The following SPIDR variants were observed in gnomAD, a reference collection of about 807,000 sequenced individuals.
SPIDR encodes scaffold protein involved in DNA repair.
SPIDR carries 93 observed loss-of-function variants against 104.6 expected under a neutral mutation model. The observed-to-expected ratio is 0.89, with a 90% CI of 0.75 to 1.06. The LOEUF (loss-of-function observed/expected upper bound fraction) is 1.06. Ranked by LOEUF, SPIDR falls within the 50% of genes least tolerant of loss-of-function variation. The pLI, the probability that SPIDR is intolerant of heterozygous loss-of-function variation, is 0.00. For missense variants in SPIDR, 1,154 were observed against 1,111.2 expected, an observed-to-expected ratio of 1.04 and a Z score of -0.55; for synonymous variants, 431 against 416.9, an observed-to-expected ratio of 1.03 and a Z score of -0.41.
intron 8 of SPIDR, among the ~76,000 whole-genome samples, chr8:47,457,626 G>A (rs1352218625): frequency 6.6e-6 from 1 of 151,876 alleles, no homozygotes; most frequent in Non-Finnish European, 1.5e-5. Flanking sequence ...TGTTTTTGTT[G>A]CATTTGCTTT....
At chr8:47,528,412 G>A (rs769571227) in intron 8 of SPIDR, among the ~76,000 whole-genome samples, 2 of 152,180 alleles carry the variant, frequency 1.3e-5, no homozygotes, top group South Asian at 2.1e-4. Context: ...ATTACTAGGC[G>A]TTCTAAAAGA....
chr8:47,460,795 T>G (rs917689478), intron 8 of SPIDR, among the ~76,000 whole-genome samples: 3 of 152,222 alleles, frequency 2.0e-5, no homozygotes, highest in Non-Finnish European at 4.4e-5. Flanking sequence ...TTCATGTGTT[T>G]CCAGGATTTG....
At chr8:47,347,710 TTTGTCTCTTTTGA>T (rs2052444377) in intron 5 of SPIDR, among the ~76,000 whole-genome samples, 1 of 152,158 alleles carries the variant, frequency 6.6e-6, no homozygotes, top group African/African-American at 2.4e-5. Flanking sequence ...AATGGCCTTC[TTTGTCTCTTTTGA>T]TCTTTGTTGG....
At chr8:47,417,262 A>G (rs1464874238) in intron 7 of SPIDR, among the ~76,000 whole-genome samples, 16 of 152,156 alleles carry the variant, frequency 1.1e-4, no homozygotes, top group South Asian at 4.1e-4. Flanking sequence ...AAGTGTTCCT[A>G]TTTCTTCACA....
intron 7 of SPIDR, among the ~76,000 whole-genome samples, chr8:47,410,752 G>A (rs2063401770): frequency 6.6e-6 from 1 of 152,040 alleles, no homozygotes; most frequent in South Asian, 2.1e-4. Context: ...TTGGTGTGCT[G>A]CACCCATTAA....
At chr8:47,680,379 C>T (rs1184827577) in intron 11 of SPIDR, among the ~76,000 whole-genome samples, 1 of 152,184 alleles carries the variant, frequency 6.6e-6, no homozygotes, top group Non-Finnish European at 1.5e-5. Flanking sequence ...TGTGACTGGG[C>T]AGGATGCTGG....
intron 7 of SPIDR, among the ~76,000 whole-genome samples, chr8:47,423,815 A>G (rs2065973330): frequency 6.6e-6 from 1 of 152,168 alleles, no homozygotes; most frequent in African/African-American, 2.4e-5. Flanking sequence ...GAGAATGGAC[A>G]GCTATAGAGG....
At chr8:47,631,925 T>C (rs1490114002) in intron 10 of SPIDR, among the ~76,000 whole-genome samples, 1 of 152,136 alleles carries the variant, frequency 6.6e-6, no homozygotes, top group African/African-American at 2.4e-5. Context: ...TAATAATATT[T>C]TAAATTGGCC....
chr8:47,592,766 C>A (rs1173047247), intron 8 of SPIDR, among the ~76,000 whole-genome samples: 1 of 152,182 alleles, frequency 6.6e-6, no homozygotes, highest in Non-Finnish European at 1.5e-5. Context: ...ATTTTTGTTA[C>A]AATAAAAATT....
rs532828211 is a variant in SPIDR, at chr8:47,505,688, C to T, written c.1097+65146C>T. On this transcript the variant is annotated intron_variant, in intron 8 of 19. Coordinates refer to ENST00000297423, the MANE Select transcript of SPIDR (RefSeq NM_001080394.4). ...CCTCAGTTGGAAATGCAGAAATCCC[C>T]GGTCTTCTGCGTTGGTCACGCTGGG... 3.3e-5 allele frequency among the ~76,000 whole-genome samples: 5 copies of T among 152,284 alleles called. No individual in the cohort carries two copies. In the East Asian group the frequency reaches 5.8e-4, roughly 18 times the overall value.
At chr8:47,672,145 G>A (rs1416137741) in intron 10 of SPIDR, among the ~76,000 whole-genome samples, 2 of 152,092 alleles carry the variant, frequency 1.3e-5, no homozygotes, top group South Asian at 4.1e-4. Context: ...ATTTTTCCTA[G>A]AGACAAGATC....
chr8:47,293,881 A>G lies in SPIDR; in HGVS notation c.376A>G (p.Ile126Val). ...SQLQRDELQF[I>V]DWEIDSDRAE... ...ATATTTTTTAGATGAATTACAGTTT[A>G]TCGACTGGGAGATTGACAGTGACAG... Residue 126 changes from isoleucine to valine, a missense_variant, in exon 5 of 20, where the codon ATC becomes GTC. By Grantham distance (29) the Ile-to-Val change is conservative. Transcript: ENST00000297423. 12 of 1,609,110 alleles carry G rather than the reference A, an allele frequency of 7.5e-6. No homozygotes were observed. Among genetic ancestry groups the G allele is most frequent in the Non-Finnish European group, 8.5e-6 (10 of 1,177,780 alleles).
chr8:47,548,691 T>A (rs906801974), intron 8 of SPIDR, among the ~76,000 whole-genome samples: 6 of 152,212 alleles, frequency 3.9e-5, no homozygotes, highest in Non-Finnish European at 8.8e-5. Flanking sequence ...ATGAAAGGAC[T>A]AATGAAAAAT....
chr8:47,535,464 T>C (rs1310821972), intron 8 of SPIDR, among the ~76,000 whole-genome samples: 1 of 152,084 alleles, frequency 6.6e-6, no homozygotes, highest in East Asian at 1.9e-4. Context: ...AAAGGGAAAC[T>C]TAAGGATCAG....
intron 8 of SPIDR, among the ~76,000 whole-genome samples, chr8:47,586,697 C>G (rs1048773760): frequency 4.6e-5 from 7 of 152,160 alleles, no homozygotes; most frequent in African/African-American, 1.7e-4. Flanking sequence ...TCTTTCCATC[C>G]TCCAAAGGGG....
chr8:47,455,743 A>G (rs1355892105), intron 8 of SPIDR, among the ~76,000 whole-genome samples: 1 of 152,212 alleles, frequency 6.6e-6, no homozygotes, highest in Non-Finnish European at 1.5e-5. Flanking sequence ...TAAATCTAAA[A>G]AAGTTTACAA....
rs1306159500 is a variant in SPIDR, at chr8:47,440,340, T to G, written c.895T>G (p.Leu299Val). 7 of 1,614,222 alleles carry G rather than the reference T, an allele frequency of 4.3e-6. No individual in the cohort carries two copies. The highest frequency in any genetic ancestry group is 5.9e-6 in the Non-Finnish European group (7 of 1,180,016). The change falls in exon 8 of 20, where the codon TTA (leucine) becomes GTA (valine). Residue 299 changes from leucine (L) to valine (V), a missense_variant. Physicochemically the swap from Leu to Val is conservative, Grantham distance 32. Coordinates refer to ENST00000297423, the MANE Select transcript of SPIDR (RefSeq NM_001080394.4). ...KTLSGRKSGVLTVKILELHEE... is the reference protein window; with the variant it reads ...KTLSGRKSGVVTVKILELHEE... ...ACTTCTAGGTAGAAAATCTGGTGTA[T>G]TAACTGTGAAAATTTTAGAGCTGCA...
chr8:47,698,547 C>G (rs1310842744), intron 11 of SPIDR, among the ~76,000 whole-genome samples: 1 of 152,210 alleles, frequency 6.6e-6, no homozygotes, highest in African/African-American at 2.4e-5. Flanking sequence ...AGCCATTCTT[C>G]AGCTAAGCAT....
intron 1 of SPIDR, among the ~76,000 whole-genome samples, chr8:47,264,655 A>T (rs1292826102): frequency 6.7e-6 from 1 of 148,988 alleles, no homozygotes; most frequent in African/African-American, 2.5e-5. Flanking sequence ...TTTGAGATGG[A>T]GTCTTGCTCA....
Sources: allele counts gnomAD v4.1 joint callset (sites outside exome capture counted in the v4.1 genomes callset), GRCh38; gene constraint gnomAD v4.1.1; transcripts MANE v1.5; gene names NCBI Gene and HGNC (gene_info 2026-07-23, HGNC 2026-07-21).